MRAS: variants seen among roughly 807,000 people sequenced by gnomAD.
MRAS encodes the protein ras-related protein M-Ras.
In MRAS, 4 loss-of-function variants were observed where a neutral mutation model predicts 20.9. The observed-to-expected ratio is 0.19, with a 90% CI of 0.09 to 0.44. MRAS has a LOEUF of 0.44. Ranked by LOEUF, MRAS falls within the 20% of genes least tolerant of loss-of-function variation. The pLI is 0.99. For synonymous variants in MRAS, 98 were observed against 102.9 expected (o/e 0.95, Z 0.29); for missense variants, 154 against 277.5 (o/e 0.56, Z 3.16).
chr3:138,403,105 G>A lies in MRAS; in HGVS notation c.*836G>A, dbSNP rs2055393051. The A allele has an allele frequency of 6.6e-6, 1 of 152,158 alleles. No individual in the cohort carries two copies. The highest frequency in any genetic ancestry group is 2.1e-4 in the South Asian group (1 of 4,826). The allele number at this position is 152,158 out of a possible 1,614,324, so 9.4% of individuals were successfully genotyped here. A position where few individuals can be genotyped will look rare whatever the true frequency, so the allele number is the denominator to read the frequency against. On this transcript the variant is annotated 3_prime_UTR_variant, in exon 6 of 6. Transcript: ENST00000423968. ...TTCTAAAAGGGGTTTTCATTATCCT[G>A]GAAATGTATAAACTAAAGTAAGCTG...
In MRAS at chr3:138,404,584, G is replaced by T. The variant is rs2055422392; in HGVS notation, c.*2315G>T. 6.6e-6 allele frequency: 1 copy of T among 152,234 alleles called. No homozygotes were observed. Among genetic ancestry groups the T allele is most frequent in the African/African-American group, 2.4e-5 (1 of 41,432 alleles). The allele number at this position is 152,234 out of a possible 1,614,324, so 9.4% of individuals were successfully genotyped here. The stretch of plus-strand genomic sequence containing the variant: ...GTTGAACTCCATGGTGCCTGAGAGA[G>T]ACTAGTTAAGGGTTGGTCTTCTGTA... On this transcript the variant is annotated 3_prime_UTR_variant, in exon 6 of 6. Transcript: ENST00000423968.
intron 2 of MRAS, among the ~76,000 whole-genome samples, chr3:138,391,867 C>T (rs1469174760): frequency 2.0e-5 from 3 of 152,260 alleles, no homozygotes; most frequent in East Asian, 1.9e-4. Flanking sequence ...TGGCCAGGCG[C>T]GGTGGCTTAC....
At position 138,402,547 on chromosome 3, in the gene MRAS, C is replaced by T. The variant is rs183691597; in HGVS notation, c.*278C>T. ...ATGTGTTGATTCAACCCGGTTCCTC[C>T]CCCTCTCTCGGTGGGTGTGTTGTTT... On this transcript the variant is annotated 3_prime_UTR_variant, in exon 6 of 6. Transcript: ENST00000423968. The T allele has an allele frequency of 4.1e-3, 1,624 of 395,496 alleles. 19 individuals carry two copies. Among genetic ancestry groups the T allele is most frequent in the African/African-American group, 0.031 (1,534 of 48,796 alleles). The allele number at this position is 395,496 out of a possible 1,614,324, so 24.5% of individuals were successfully genotyped here. A position where few individuals can be genotyped will look rare whatever the true frequency, so the allele number is the denominator to read the frequency against.
intron 1 of MRAS, among the ~76,000 whole-genome samples, chr3:138,366,259 C>G (rs79470037): frequency 6.6e-6 from 1 of 152,172 alleles, no homozygotes; most frequent in Non-Finnish European, 1.5e-5. Context: ...GTGTCCTCAT[C>G]CCCCTGGGTT....
At chr3:138,359,332 C>A (rs1450465744) in intron 1 of MRAS, among the ~76,000 whole-genome samples, 5 of 152,154 alleles carry the variant, frequency 3.3e-5, no homozygotes, top group Admixed American at 3.3e-4. Flanking sequence ...GCATCTGCTT[C>A]ACAGACCTTT....
intron 4 of MRAS, among the ~76,000 whole-genome samples, chr3:138,398,959 C>T (rs2055300700): frequency 6.6e-6 from 1 of 152,214 alleles, no homozygotes; most frequent in Non-Finnish European, 1.5e-5. Flanking sequence ...GCGGTGCCTT[C>T]CTGCCTCCCC....
At chr3:138,356,114 A>G (rs1381602765) in intron 1 of MRAS, among the ~76,000 whole-genome samples, 1 of 152,254 alleles carries the variant, frequency 6.6e-6, no homozygotes, top group Non-Finnish European at 1.5e-5. Flanking sequence ...TGCCTATGAG[A>G]TTATGTGGAA....
At chr3:138,362,011 C>G (rs1411443492) in intron 1 of MRAS, among the ~76,000 whole-genome samples, 1 of 152,202 alleles carries the variant, frequency 6.6e-6, no homozygotes, top group African/African-American at 2.4e-5. Flanking sequence ...ACGCCCTGCC[C>G]CTCATCCCTG....
intron 2 of MRAS, among the ~76,000 whole-genome samples, chr3:138,384,736 G>A (rs1329172313): frequency 6.6e-6 from 1 of 152,142 alleles, no homozygotes; most frequent in African/African-American, 2.4e-5. Context: ...TGTGACTGCG[G>A]TTAGAGAAGG....
At chr3:138,370,872 C>G (rs537593721) in intron 1 of MRAS, among the ~76,000 whole-genome samples, 1 of 151,930 alleles carries the variant, frequency 6.6e-6, no homozygotes, top group Admixed American at 6.5e-5. Flanking sequence ...GGATCCACAC[C>G]TGGCATTAGG....
rs575118314 is a variant in MRAS, at chr3:138,398,631, C to G, written c.447+63C>G. The G allele has an allele frequency of 8.9e-5, 126 of 1,409,564 alleles. 3 individuals are homozygous for G. The South Asian group carries it at 1.5e-3, about 16-fold the overall frequency. The allele number at this position is 1,409,564 out of a possible 1,614,324, so 87.3% of individuals were successfully genotyped here. ...GTGTAAAAGCTGTAGCCTGGTCACC[C>G]CTGCAGTCCTGGTCTTTGGAAATGA... On this transcript the variant is annotated intron_variant, in intron 4 of 5. Coordinates refer to ENST00000423968, the MANE Select transcript of MRAS (RefSeq NM_001085049.3).
chr3:138,349,642 G>C (rs982412147), intron 1 of MRAS: 3 of 152,774 alleles, frequency 2.0e-5, no homozygotes, highest in Non-Finnish European at 4.4e-5. Flanking sequence ...ACTCCCCAAT[G>C]GCCCCTGATG....
intron 2 of MRAS, among the ~76,000 whole-genome samples, chr3:138,378,048 C>G (rs555114946): frequency 2.0e-5 from 3 of 152,326 alleles, no homozygotes; most frequent in South Asian, 2.1e-4. Context: ...AATCCTCCCC[C>G]ACAGCACAGT....
chr3:138,366,041 G>T (rs539923747), intron 1 of MRAS, among the ~76,000 whole-genome samples: 1 of 152,336 alleles, frequency 6.6e-6, no homozygotes, highest in South Asian at 2.1e-4. Context: ...GAAACAAGGG[G>T]CTGGAGCAAA....
At chr3:138,386,161 C>CTGAT (rs10663406) in intron 2 of MRAS, among the ~76,000 whole-genome samples, 128,200 of 151,756 alleles carry the variant, frequency 0.84, 54,418 homozygotes, top group East Asian at 0.98. Context: ...CCACGTATTG[C>CTGAT]TGATTAACAA....
intron 1 of MRAS, among the ~76,000 whole-genome samples, chr3:138,358,612 T>C (rs1352122171): frequency 1.3e-5 from 2 of 152,270 alleles, no homozygotes; most frequent in Non-Finnish European, 2.9e-5. Flanking sequence ...GTGCCAGATA[T>C]GTGCTGGGCA....
chr3:138,374,419 A>G (rs1323359297), intron 2 of MRAS, among the ~76,000 whole-genome samples: 2 of 152,192 alleles, frequency 1.3e-5, no homozygotes, highest in Non-Finnish European at 2.9e-5. Flanking sequence ...AGGTTTCTGT[A>G]TATTAATCTT....
At chr3:138,378,901 A>G (rs1173292629) in intron 2 of MRAS, among the ~76,000 whole-genome samples, 1 of 152,056 alleles carries the variant, frequency 6.6e-6, no homozygotes, top group Non-Finnish European at 1.5e-5. Flanking sequence ...AGTCCCTGGC[A>G]ACCACTATTC....
At position 138,363,840 on chromosome 3, in the gene MRAS, A is replaced by G. The variant is rs1351739309; in HGVS notation, c.-18-9026A>G. 1.9e-4 allele frequency among the ~76,000 whole-genome samples: 8 copies of G among 41,184 alleles called. 1 individual carries two copies. In the East Asian group the frequency reaches 5.9e-3, roughly 31 times the overall value. 27.0% of individuals were successfully genotyped at this position (41,184 alleles called of 152,430 possible). On this transcript the variant is annotated intron_variant, in intron 1 of 5. Coordinates refer to ENST00000423968, the MANE Select transcript of MRAS (RefSeq NM_001085049.3). ...ATTTACCCCCCCCCCCCCCCAAACC[A>G]CAGGGTACCCAGAGGGTGGCTATGT...
Sources: gnomAD v4.1 joint callset for allele counts (sites outside exome capture counted in the v4.1 genomes callset) on GRCh38, gnomAD v4.1.1 for gene constraint, MANE v1.5 for transcripts, NCBI Gene and HGNC (gene_info 2026-07-23, HGNC 2026-07-21) for gene names.